The following CNTN5 variants were observed in gnomAD, a reference collection of about 807,000 sequenced individuals.
CNTN5 encodes contactin 5, also known as contactin-5.
A neutral mutation model predicts 129.1 loss-of-function variants in CNTN5; 77 were observed. The ratio of observed to expected loss-of-function variants is 0.60; its 90% CI spans 0.50 to 0.72. The LOEUF (loss-of-function observed/expected upper bound fraction) is 0.72, where lower values mean the gene tolerates loss of function less well. CNTN5 is among the 30% of genes least tolerant of loss of function. CNTN5 has a pLI of 0.00. For synonymous variants in CNTN5, 509 were observed against 465.6 expected, an observed-to-expected ratio of 1.09 and a Z score of -1.20; for missense variants, 1,478 against 1,328.8, an observed-to-expected ratio of 1.11 and a Z score of -1.75.
intron 2 of CNTN5, among the ~76,000 whole-genome samples, chr11:99,340,836 T>A (rs993793637): frequency 1.8e-4 from 28 of 152,360 alleles, no homozygotes; most frequent in African/African-American, 6.5e-4. Context: ...TAAATCTACA[T>A]TAAACATATT....
At chr11:99,391,906 T>C (rs1042379432) in intron 2 of CNTN5, among the ~76,000 whole-genome samples, 2 of 151,994 alleles carry the variant, frequency 1.3e-5, no homozygotes, top group African/African-American at 4.8e-5. Context: ...CCCACCTGTA[T>C]ACTGTCCCTC....
chr11:99,469,082 G>A (rs1250114839), intron 2 of CNTN5, among the ~76,000 whole-genome samples: 1 of 151,640 alleles, frequency 6.6e-6, no homozygotes, highest in East Asian at 1.9e-4. Context: ...GTAAGATACT[G>A]TAGTACTGGT....
chr11:99,431,087 C>G (rs1300123184), intron 2 of CNTN5, among the ~76,000 whole-genome samples: 1 of 150,508 alleles, frequency 6.6e-6, no homozygotes, highest in African/African-American at 2.4e-5. Flanking sequence ...ACTCGGAACT[C>G]TCATTCGGAT....
intron 1 of CNTN5, among the ~76,000 whole-genome samples, chr11:99,248,968 G>A (rs1307906034): frequency 6.6e-6 from 1 of 152,090 alleles, no homozygotes; most frequent in African/African-American, 2.4e-5. Flanking sequence ...GGTTCCATAT[G>A]AACTTGAAAG....
intron 3 of CNTN5, among the ~76,000 whole-genome samples, chr11:99,715,312 A>C (rs1591522066): frequency 6.6e-6 from 1 of 151,846 alleles, no homozygotes; most frequent in Admixed American, 6.6e-5. Flanking sequence ...CAGCAGCAGA[A>C]CTCCTCTAAA....
In CNTN5 at chr11:99,325,452, G is replaced by C. The variant is rs542388395; in HGVS notation, c.-103G>C. The C allele has an allele frequency of 1.4e-4, 22 of 152,066 alleles. No homozygotes were observed. The highest frequency in any genetic ancestry group is 3.2e-4 in the Non-Finnish European group (22 of 68,010). 9.4% of individuals were successfully genotyped at this position (152,066 alleles called of 1,614,324 possible). On this transcript the variant is annotated 5_prime_UTR_variant, in exon 2 of 25. Coordinates refer to ENST00000524871, the MANE Select transcript of CNTN5 (RefSeq NM_014361.4). Reference sequence around the variant, plus strand: ...TTACAGATACCAGTTCCTTTGTCAAGAGCATACTTTGGACCCTGTTTTCAG... The same window carrying C: ...TTACAGATACCAGTTCCTTTGTCAACAGCATACTTTGGACCCTGTTTTCAG...
chr11:99,840,245 AATG>A (rs1410553213), intron 4 of CNTN5, among the ~76,000 whole-genome samples: 1 of 152,200 alleles, frequency 6.6e-6, no homozygotes, highest in African/African-American at 2.4e-5. Context: ...GTTGTCTCTT[AATG>A]ATAAAGAAAG....
chr11:99,185,246 C>T (rs1177459537), intron 1 of CNTN5, among the ~76,000 whole-genome samples: 1 of 151,000 alleles, frequency 6.6e-6, no homozygotes, highest in Non-Finnish European at 1.5e-5. Context: ...TGCCATGAGA[C>T]TTATATGAAT....
intron 1 of CNTN5, among the ~76,000 whole-genome samples, chr11:99,034,679 G>C (rs1349046512): frequency 1.3e-5 from 2 of 151,718 alleles, no homozygotes; most frequent in Admixed American, 1.3e-4. Context: ...TATTAGTCTT[G>C]CTAGCAGTTT....
At chr11:99,312,221 C>G (rs1339697658) in intron 1 of CNTN5, among the ~76,000 whole-genome samples, 1 of 152,108 alleles carries the variant, frequency 6.6e-6, no homozygotes, top group Non-Finnish European at 1.5e-5. Flanking sequence ...ATATCATTTG[C>G]CTCCTCAAAT....
At chr11:99,961,323 T>C (rs1210820206) in intron 8 of CNTN5, among the ~76,000 whole-genome samples, 10 of 152,106 alleles carry the variant, frequency 6.6e-5, no homozygotes, top group Admixed American at 2.6e-4. Flanking sequence ...ATGCATTTGC[T>C]ACCTGTCGCC....
At chr11:100,160,481 A>G (rs1199767642) in intron 13 of CNTN5, among the ~76,000 whole-genome samples, 2 of 151,936 alleles carry the variant, frequency 1.3e-5, no homozygotes, top group African/African-American at 4.8e-5. Flanking sequence ...TATTTGTAAC[A>G]GATGAAGAAA....
At chr11:99,947,155 T>C (rs1462771119) in intron 7 of CNTN5, among the ~76,000 whole-genome samples, 1 of 151,772 alleles carries the variant, frequency 6.6e-6, no homozygotes, top group African/African-American at 2.4e-5. Context: ...AGAAAATGCA[T>C]TCTTAATAGT....
chr11:99,430,524 A>G (rs918652254), intron 2 of CNTN5, among the ~76,000 whole-genome samples: 8 of 150,634 alleles, frequency 5.3e-5, no homozygotes, highest in African/African-American at 1.7e-4. Flanking sequence ...CTCTATATAT[A>G]TATAGCTTGA....
At chr11:99,979,234 C>A (rs1272392028) in intron 8 of CNTN5, among the ~76,000 whole-genome samples, 1 of 151,844 alleles carries the variant, frequency 6.6e-6, no homozygotes, top group Non-Finnish European at 1.5e-5. Context: ...ATGATCCTGT[C>A]AAAAGAAGTC....
intron 21 of CNTN5, among the ~76,000 whole-genome samples, chr11:100,318,197 C>T (rs1951607246): frequency 2.1e-5 from 3 of 143,718 alleles, no homozygotes; most frequent in African/African-American, 7.8e-5. Context: ...GCCGAGATCG[C>T]GCCACTGCAC....
At chr11:100,008,347 A>G (rs12797124) in intron 9 of CNTN5, among the ~76,000 whole-genome samples, 22,870 of 152,116 alleles carry the variant, frequency 0.15, 1,876 homozygotes, top group African/African-American at 0.21. Flanking sequence ...GTGCAATAAA[A>G]TAATGTGTGC....
At chr11:99,410,626 C>T (rs1186266789) in intron 2 of CNTN5, among the ~76,000 whole-genome samples, 11 of 152,186 alleles carry the variant, frequency 7.2e-5, no homozygotes, top group East Asian at 1.9e-4. Flanking sequence ...GAAAGTACTA[C>T]TCAAATTCTC....
chr11:99,334,146 TCTCA>T (rs10587972), intron 2 of CNTN5, among the ~76,000 whole-genome samples: 151,524 of 152,080 alleles, frequency 1, 75,488 homozygotes, highest in Middle Eastern at 1. Flanking sequence ...CATCTCAGAC[TCTCA>T]CTCACAAATA....
Sources: gnomAD v4.1 joint callset for allele counts (sites outside exome capture counted in the v4.1 genomes callset) on GRCh38, gnomAD v4.1.1 for gene constraint, MANE v1.5 for transcripts, NCBI Gene and HGNC (gene_info 2026-07-23, HGNC 2026-07-21) for gene names.